Variants in OXR1 observed in about 807,000 individuals in gnomAD.
The protein encoded by OXR1 is oxidation resistance 1.
OXR1 carries 41 observed loss-of-function variants against 104.6 expected under a neutral mutation model. That is an observed-to-expected ratio of 0.39 (90% CI 0.31 to 0.51). OXR1 has a LOEUF of 0.51. OXR1 is among the 20% of genes least tolerant of loss of function. OXR1 has a pLI of 0.77. For synonymous variants in OXR1, 348 were observed against 348.4 expected, an observed-to-expected ratio of 1.00 and a Z score of 0.01; for missense variants, 955 against 1,031.9, an observed-to-expected ratio of 0.93 and a Z score of 1.02.
At chr8:106,686,812 T>A (rs1343297597) in intron 6 of OXR1, among the ~76,000 whole-genome samples, 2 of 152,204 alleles carry the variant, frequency 1.3e-5, no homozygotes, top group Non-Finnish European at 2.9e-5. Flanking sequence ...TTAAAAATAT[T>A]GCATTTTGAG....
intron 1 of OXR1, among the ~76,000 whole-genome samples, chr8:106,321,512 G>A (rs1191152485): frequency 6.6e-6 from 1 of 152,022 alleles, no homozygotes; most frequent in Non-Finnish European, 1.5e-5. Flanking sequence ...GACACAGATG[G>A]GCCAAACAGC....
intron 1 of OXR1, among the ~76,000 whole-genome samples, chr8:106,314,134 C>A (rs1452521154): frequency 6.6e-6 from 1 of 152,166 alleles, no homozygotes; most frequent in Non-Finnish European, 1.5e-5. Flanking sequence ...AGCCTGCATG[C>A]CCAAAAGGGA....
chr8:106,449,780 A>G (rs768559873), intron 2 of OXR1, among the ~76,000 whole-genome samples: 1 of 152,250 alleles, frequency 6.6e-6, no homozygotes, highest in African/African-American at 2.4e-5. Context: ...ATGATGCCAC[A>G]TTAAGAGGAT....
At chr8:106,516,324 CT>C (rs1204935716) in intron 2 of OXR1, among the ~76,000 whole-genome samples, 2 of 152,142 alleles carry the variant, frequency 1.3e-5, no homozygotes, top group Non-Finnish European at 2.9e-5. Context: ...ATCCACTGCA[CT>C]TTTTGCCACC....
intron 3 of OXR1, chr8:106,580,935 A>T (rs1362176609): frequency 5.1e-6 from 5 of 979,450 alleles, no homozygotes; most frequent in Non-Finnish European, 6.1e-6. Context: ...TAAATGAATG[A>T]CTTGCTCTTT....
chr8:106,300,737 TA>T (rs1333788083), intron 1 of OXR1, among the ~76,000 whole-genome samples: 2 of 152,170 alleles, frequency 1.3e-5, no homozygotes, highest in African/African-American at 4.8e-5. Context: ...TACTTTTTCA[TA>T]AAAGTTAGTG....
intron 2 of OXR1, among the ~76,000 whole-genome samples, chr8:106,479,363 A>G (rs77706088): frequency 0.012 from 1,891 of 152,122 alleles, 31 homozygotes; most frequent in East Asian, 0.08. Context: ...CTTTCATTCA[A>G]TTCCCATTAA....
chr8:106,749,943 G>A (rs1251016292), intron 16 of OXR1, among the ~76,000 whole-genome samples: 3 of 151,714 alleles, frequency 2.0e-5, no homozygotes, highest in Non-Finnish European at 4.4e-5. Context: ...TGGTTCTTCT[G>A]CTTGAATCTC....
intron 3 of OXR1, among the ~76,000 whole-genome samples, chr8:106,650,063 C>T (rs1414148446): frequency 6.6e-6 from 1 of 152,138 alleles, no homozygotes; most frequent in Non-Finnish European, 1.5e-5. Context: ...ATCAGTTCCT[C>T]ACACAATTAT....
chr8:106,339,520 AT>A (rs1165840945), intron 1 of OXR1, among the ~76,000 whole-genome samples: 984 of 8,002 alleles, frequency 0.12, 112 homozygotes, highest in African/African-American at 0.15. Context: ...AAAAAAAAAA[AT>A]ATATATATAT....
intron 11 of OXR1, among the ~76,000 whole-genome samples, chr8:106,732,968 T>C (rs1414463350): frequency 1.3e-5 from 2 of 152,196 alleles, no homozygotes; most frequent in South Asian, 2.1e-4. Context: ...TCTTCGTAAA[T>C]GTTTGGTAGT....
At chr8:106,362,149 C>T (rs1373074456) in intron 2 of OXR1, among the ~76,000 whole-genome samples, 1 of 152,142 alleles carries the variant, frequency 6.6e-6, no homozygotes, top group East Asian at 1.9e-4. Flanking sequence ...ATTCTGAGTT[C>T]CACTTCTGCC....
intron 3 of OXR1, among the ~76,000 whole-genome samples, chr8:106,678,818 TTTC>T (rs1272189073): frequency 7.2e-5 from 11 of 152,066 alleles, no homozygotes; most frequent in Admixed American, 5.2e-4. Flanking sequence ...AATGTTACAA[TTTC>T]TTATTTGGAA....
intron 1 of OXR1, among the ~76,000 whole-genome samples, chr8:106,333,428 G>A (rs1814807750): frequency 6.6e-6 from 1 of 151,898 alleles, no homozygotes; most frequent in Non-Finnish European, 1.5e-5. Context: ...CCTATTATGT[G>A]GGTTGCATTT....
At chr8:106,708,000 G>A (rs772672603) in intron 9 of OXR1, among the ~76,000 whole-genome samples, 12 of 152,026 alleles carry the variant, frequency 7.9e-5, no homozygotes, top group Non-Finnish European at 1.5e-4. Flanking sequence ...TATCTACAAT[G>A]CAGTGGCATT....
intron 3 of OXR1, among the ~76,000 whole-genome samples, chr8:106,654,286 T>C (rs571474279): frequency 6.6e-6 from 1 of 152,214 alleles, no homozygotes; most frequent in South Asian, 2.1e-4. Context: ...ACTCACACTT[T>C]CCAATTTCAA....
At chr8:106,600,390 C>G (rs979512609) in intron 3 of OXR1, among the ~76,000 whole-genome samples, 1 of 152,194 alleles carries the variant, frequency 6.6e-6, no homozygotes, top group Non-Finnish European at 1.5e-5. Context: ...CTTCCAACCT[C>G]TCATCCAAGG....
intron 1 of OXR1, among the ~76,000 whole-genome samples, chr8:106,346,633 T>C (rs1169913198): frequency 6.6e-6 from 1 of 152,124 alleles, no homozygotes; most frequent in Non-Finnish European, 1.5e-5. Flanking sequence ...TATTTTTCCA[T>C]CCCTAATTCA....
chr8:106,702,856 T>C (rs1340053186), intron 7 of OXR1, 50 bp from the exon 8 acceptor site: 1 of 1,379,200 alleles, frequency 7.3e-7, no homozygotes, highest in African/African-American at 1.4e-5. Flanking sequence ...TAGATAATTT[T>C]TGAAGTATCA....
Sources: allele counts gnomAD v4.1 joint callset (sites outside exome capture counted in the v4.1 genomes callset), GRCh38; gene constraint gnomAD v4.1.1; transcripts MANE v1.5; gene names NCBI Gene and HGNC (gene_info 2026-07-23, HGNC 2026-07-21).